Variants in MPND observed in about 807,000 individuals in gnomAD.
MPND encodes MPN domain-containing protein.
MPND carries 56 observed loss-of-function variants against 59.2 expected under a neutral mutation model. The observed-to-expected ratio is 0.95, with a 90% confidence interval of 0.76 to 1.18. The LOEUF (loss-of-function observed/expected upper bound fraction) is 1.18. MPND is among the 50% of genes most tolerant of loss of function. The pLI is 0.00. For synonymous variants in MPND, 323 were observed against 291.9 expected, an observed-to-expected ratio of 1.11 and a Z score of -1.09; for missense variants, 671 against 676.0, an observed-to-expected ratio of 0.99 and a Z score of 0.08.
chr19:4,350,955 G>A (rs1404905315), intron 3 of MPND, among the ~76,000 whole-genome samples: 6 of 152,040 alleles, frequency 3.9e-5, no homozygotes, highest in East Asian at 1.9e-4. Flanking sequence ...CGTGGGATCC[G>A]GGGGTTGTGT....
chr19:4,346,336 A>G (rs2144814837), intron 3 of MPND, among the ~76,000 whole-genome samples: 1 of 152,144 alleles, frequency 6.6e-6, no homozygotes, highest in East Asian at 1.9e-4. Context: ...GCACTGGGGG[A>G]ACTTCAAATG....
chr19:4,354,997 G>A lies in MPND; in HGVS notation c.895G>A (p.Gly299Ser). 1.9e-6 allele frequency: 3 copies of A among 1,609,136 alleles called. No homozygotes were observed. The highest frequency in any genetic ancestry group is 2.5e-6 in the Non-Finnish European group (3 of 1,176,956). ...GAGTGAGGTCGTGGGTTACCTGGGG[G>A]GCCGCTGGGACGTCAACAGCCAGAG... ...TRSEVVGYLG[G>S]RWDVNSQMLT... Residue 299 changes from glycine (G) to serine (S), a missense_variant, in exon 7 of 13, where the codon GGC becomes AGC. By Grantham distance (56) the Gly-to-Ser change is moderately conservative. Transcript: ENST00000599840.
At position 4,351,722 on chromosome 19, in the gene MPND, C is replaced by T. The variant is rs189663465; in HGVS notation, c.532-1175C>T. On this transcript the variant is annotated intron_variant, in intron 3 of 12. Coordinates refer to ENST00000599840, the MANE Select transcript of MPND (RefSeq NM_001300862.2). ...CTAAAAATACAAAAAATTAGCTGGGCGTGGTGGCACATGCCTATAATCCCA... is the reference window on the plus strand; with the variant it reads ...CTAAAAATACAAAAAATTAGCTGGGTGTGGTGGCACATGCCTATAATCCCA... 8.6e-4 allele frequency among the ~76,000 whole-genome samples: 131 copies of T among 151,958 alleles called. 1 individual carries two copies. Among genetic ancestry groups the T allele is most frequent in the African/African-American group, 2.9e-3 (119 of 41,466 alleles).
In MPND at chr19:4,354,935, C is replaced by A; in HGVS notation, c.847-14C>A. The A allele has an allele frequency of 6.3e-7, 1 of 1,574,970 alleles. No individual in the cohort carries two copies. Among genetic ancestry groups the A allele is most frequent in the Non-Finnish European group, 8.6e-7 (1 of 1,157,392 alleles). On this transcript the variant is annotated splice_polypyrimidine_tract_variant and intron_variant, in intron 6 of 12. Coordinates refer to ENST00000599840, the MANE Select transcript of MPND (RefSeq NM_001300862.2). ...CAGCCTGAGCCAGTCTTTTGCTGTT[C>A]CTCCCTTCCCCAGGACTTCCACAGT...
Position 4,345,948 on chromosome 19 carries a change from C to T in MPND, c.498C>T (p.His166=), listed in dbSNP as rs200894292. 3.7e-6 allele frequency: 6 copies of T among 1,612,920 alleles called. No homozygotes were observed. Among genetic ancestry groups the T allele is most frequent in the Non-Finnish European group, 5.1e-6 (6 of 1,179,902 alleles). Residue 166 remains histidine, a synonymous_variant, in exon 3 of 13, where the codon CAC becomes CAT. Coordinates refer to ENST00000599840, the MANE Select transcript of MPND (RefSeq NM_001300862.2). ...DKYKATWLRL[H]QLHTPATAAD... is the part of the protein sequence containing the mutation. ...ACAAGGCCACCTGGCTCCGGCTGCA[C>T]CAGCTGCACACGCCTGCCACGGCTG...
chr19:4,358,182 C>T lies in MPND; in HGVS notation c.1326+10C>T. 2.6e-6 allele frequency: 4 copies of T among 1,550,466 alleles called. No individual in the cohort carries two copies. The highest frequency in any genetic ancestry group is 2.6e-6 in the Non-Finnish European group (3 of 1,146,490). ...CATCCTTCACGAGATGGTGAGCTCG[C>T]TGCGGGGCGGGCAGGCAGGGGCTGG... On this transcript the variant is annotated intron_variant, in intron 11 of 12. Transcript: ENST00000599840.
At chr19:4,352,350 G>A (rs1281960804) in intron 3 of MPND, among the ~76,000 whole-genome samples, 5 of 152,300 alleles carry the variant, frequency 3.3e-5, no homozygotes, top group African/African-American at 9.6e-5. Context: ...GGCATAAATG[G>A]CAATGGTGCT....
At chr19:4,355,321 G>C (rs1229020446) in intron 8 of MPND, 148 bp downstream of exon 8, 2 of 707,240 alleles carry the variant, frequency 2.8e-6, no homozygotes, top group African/African-American at 3.7e-5. Flanking sequence ...CCATGGTGAA[G>C]GGTGAAGAAC....
rs931842889 is a variant in MPND at position 4,347,887 on chromosome 19, G to GT, written c.531+1915dup. 776 of 152,666 alleles carry GT rather than the reference G, an allele frequency of 5.1e-3. 8 individuals are homozygous for GT. The highest frequency in any genetic ancestry group is 0.017 in the African/African-American group (628 of 36,750). 9.5% of individuals were successfully genotyped at this position (152,666 alleles called of 1,614,324 possible). On this transcript the variant is annotated intron_variant, in intron 3 of 12. Transcript: ENST00000599840. ...TAGCTGAATTACTTCTCCATATTGTGTTTTTTTTTGTTTTTTTTTTTTGAG... is the reference window on the plus strand; with the variant it reads ...TAGCTGAATTACTTCTCCATATTGTGTTTTTTTTTTGTTTTTTTTTTTTGAG...
At position 4,360,052 on chromosome 19, in the gene MPND, T is replaced by G. The variant is rs1466523826; in HGVS notation, c.*50T>G. On this transcript the variant is annotated 3_prime_UTR_variant, in exon 13 of 13. Coordinates refer to ENST00000599840, the MANE Select transcript of MPND (RefSeq NM_001300862.2). The stretch of plus-strand genomic sequence containing the variant: ...AGTTGTCTTGAGGGTCCGGATGGGC[T>G]CAGGTAATAAAGAAACGGAAGCAGC... 6.7e-7 allele frequency: 1 copy of G among 1,488,594 alleles called. No homozygotes were observed. Among genetic ancestry groups the G allele is most frequent in the East Asian group, 2.5e-5 (1 of 40,338 alleles). 92.2% of individuals were successfully genotyped at this position (1,488,594 alleles called of 1,614,324 possible). A position where few individuals can be genotyped will look rare whatever the true frequency, so the allele number is the denominator to read the frequency against.
At chr19:4,349,195 G>C (rs1054643834) in intron 3 of MPND, 1 of 152,332 alleles carries the variant, frequency 6.6e-6, no homozygotes, top group African/African-American at 2.4e-5. Context: ...AGCCTCCAGA[G>C]TAGCTGGGAC....
Position 4,343,959 on chromosome 19 carries a change from G to T in MPND, c.259G>T (p.Glu87Ter), listed in dbSNP as rs1433113107. Reference sequence around the variant, plus strand: ...GGTGCTCCTCAAAGACGCGCTGCTGGAGCCTGGCGCCGGGGTGCTGTCCAT... The same window carrying T: ...GGTGCTCCTCAAAGACGCGCTGCTGTAGCCTGGCGCCGGGGTGCTGTCCAT... ...LRVLLKDALL[E>*]PGAGVLSIYY... is the part of the protein sequence containing the mutation. Residue 87 changes from glutamate to a stop codon, truncating the protein, a stop_gained, in exon 2 of 13, where the codon GAG (glutamate) becomes TAG (stop). Coordinates refer to ENST00000599840, the MANE Select transcript of MPND (RefSeq NM_001300862.2). LOFTEE classifies it high-confidence loss of function. 8 of 1,386,500 alleles carry T rather than the reference G, an allele frequency of 5.8e-6. No individual in the cohort carries two copies. The highest frequency in any genetic ancestry group is 7.5e-6 in the Non-Finnish European group (8 of 1,069,242). 85.9% of individuals were successfully genotyped at this position (1,386,500 alleles called of 1,614,324 possible).
intron 6 of MPND, 33 bp from the exon 7 acceptor site, chr19:4,354,916 G>A (rs1972399593): frequency 1.3e-6 from 2 of 1,559,546 alleles, no homozygotes; most frequent in South Asian, 2.4e-5. Flanking sequence ...GCCACAGCCT[G>A]AGCCAGTCTT....
chr19:4,359,780 G>C (rs1972538326), intron 12 of MPND, 136 bp from the exon 13 acceptor site: 1 of 646,716 alleles, frequency 1.5e-6, no homozygotes, highest in East Asian at 2.9e-5. Flanking sequence ...GCAGCAGGCT[G>C]TGCTGCGGGA....
chr19:4,349,515 A>G (rs1264602797), intron 3 of MPND, among the ~76,000 whole-genome samples: 27 of 142,016 alleles, frequency 1.9e-4, no homozygotes, highest in Admixed American at 1.3e-3. Context: ...GAGTGGGTCT[A>G]TTTTTTTTTT....
chr19:4,354,652 A>G, intron 6 of MPND: 1 of 596,126 alleles, frequency 1.7e-6, no homozygotes, highest in Non-Finnish European at 3.0e-6. Flanking sequence ...GGTCACCTGA[A>G]CTCAGGAGTT....
intron 4 of MPND, 148 bp downstream of exon 4, chr19:4,353,177 A>G (rs11085070): frequency 0.82 from 450,440 of 547,932 alleles, 186,378 homozygotes; most frequent in East Asian, 0.97. Context: ...CTGGAGCCGG[A>G]CGAGGCCTGG....
At chr19:4,346,704 A>G (rs1339404311) in intron 3 of MPND, among the ~76,000 whole-genome samples, 1 of 145,754 alleles carries the variant, frequency 6.9e-6, no homozygotes, top group African/African-American at 2.5e-5. Flanking sequence ...GGCGTGAGCT[A>G]CTGCACTGGC....
rs1972122601 is a variant in MPND, at chr19:4,343,781, C to T, written c.81C>T (p.Ala27=). 3 of 1,208,176 alleles carry T rather than the reference C, an allele frequency of 2.5e-6. No homozygotes were observed. Among genetic ancestry groups the T allele is most frequent in the East Asian group, 3.5e-5 (1 of 28,854 alleles). 74.8% of individuals were successfully genotyped at this position (1,208,176 alleles called of 1,614,324 possible). A position where few individuals can be genotyped will look rare whatever the true frequency, so the allele number is the denominator to read the frequency against. The change falls in exon 2 of 13, where the codon GCC becomes GCT. Residue 27 remains alanine (A), a synonymous_variant. Transcript: ENST00000599840. The part of the protein sequence containing the change: ...APEEDEDEAE[A]EDPERPNAGA... ...AGGAGGACGAGGACGAAGCGGAGGC[C>T]GAGGACCCTGAGCGGCCGAATGCGG... is the stretch of plus-strand genomic sequence containing the variant.
Sources: gnomAD v4.1 joint callset for allele counts (sites outside exome capture counted in the v4.1 genomes callset) on GRCh38, gnomAD v4.1.1 for gene constraint, MANE v1.5 for transcripts, NCBI Gene and HGNC (gene_info 2026-07-23, HGNC 2026-07-21) for gene names.